TNNC2: variants seen among roughly 807,000 people sequenced by gnomAD.
TNNC2 encodes the protein troponin C, skeletal muscle.
In TNNC2, 14 loss-of-function variants were observed where a neutral mutation model predicts 20.0. That is an observed-to-expected ratio of 0.70 (90% CI 0.46 to 1.09). The LOEUF is 1.09. Among genes scored for constraint, TNNC2 ranks in the 50% least tolerant of loss-of-function variants. The probability of loss-of-function intolerance (pLI) is 0.00; values close to 1 mark genes in which losing one functional copy is unlikely to be tolerated. For synonymous variants in TNNC2, 81 were observed against 77.3 expected (o/e 1.05, Z -0.25); for missense variants, 163 against 223.8 (o/e 0.73, Z 1.73).
chr20:45,827,726 C>A (rs546381078), upstream of TNNC2, among the ~76,000 whole-genome samples: 1 of 152,248 alleles, frequency 6.6e-6, no homozygotes, highest in East Asian at 1.9e-4. Context: ...GGTAGCAGTG[C>A]CTCTCTGAGC....
chr20:45,829,502 G>C (rs928604284), upstream of TNNC2, among the ~76,000 whole-genome samples: 2 of 151,736 alleles, frequency 1.3e-5, no homozygotes, highest in Non-Finnish European at 2.9e-5. Context: ...TTCATCGACC[G>C]GGCACGGTGG....
At chr20:45,829,160 G>GTTTTTTTT (rs57079984), upstream of TNNC2, among the ~76,000 whole-genome samples, 1 of 98,282 alleles carries the variant, frequency 1.0e-5, no homozygotes, top group African/African-American at 3.6e-5. Flanking sequence ...TTTGTTTTTG[G>GTTTTTTTT]TTTTTTTTTT....
chr20:45,831,823 C>T (rs1370020040), upstream of TNNC2, among the ~76,000 whole-genome samples: 3 of 152,150 alleles, frequency 2.0e-5, no homozygotes, highest in Non-Finnish European at 4.4e-5. Flanking sequence ...TTCTGAGGGG[C>T]CCTCCTGCTC....
chr20:45,824,763 G>T lies in TNNC2; in HGVS notation c.55+20C>A. The T allele has an allele frequency of 7.5e-7, 1 of 1,325,928 alleles. No homozygotes were observed. The highest frequency in any genetic ancestry group is 9.9e-7 in the Non-Finnish European group (1 of 1,010,874). The allele number at this position is 1,325,928 out of a possible 1,614,324, so 82.1% of individuals were successfully genotyped here. A position where few individuals can be genotyped will look rare whatever the true frequency, so the allele number is the denominator to read the frequency against. ...CCAGCATACATCCACCCAGCCCCCA[G>T]CCTGCCGCGCCTCACTCACCAGCGA... On this transcript the variant is annotated intron_variant, in intron 2 of 5. Transcript: ENST00000372555.
Position 45,827,291 on chromosome 20 carries a change from T to C in TNNC2, c.-43A>G. The C allele has an allele frequency of 6.2e-7, 1 of 1,613,854 alleles. No individual in the cohort carries two copies. Among genetic ancestry groups the C allele is most frequent in the Non-Finnish European group, 8.5e-7 (1 of 1,179,888 alleles). On this transcript the variant is annotated 5_prime_UTR_variant, in exon 1 of 6. Coordinates refer to ENST00000372555, the MANE Select transcript of TNNC2 (RefSeq NM_003279.3). Reference sequence around the variant, plus strand: ...ACTCCTCTGTTGCAGGTCGCCTCCTTTGCACTCCACCACCCAAAGATGACC... The same window carrying C: ...ACTCCTCTGTTGCAGGTCGCCTCCTCTGCACTCCACCACCCAAAGATGACC...
chr20:45,823,988 C>A lies in TNNC2; in HGVS notation c.451+3G>T. 1 of 1,614,056 alleles carries A rather than the reference C, an allele frequency of 6.2e-7. No homozygotes were observed. Among genetic ancestry groups the A allele is most frequent in the Non-Finnish European group, 8.5e-7 (1 of 1,179,972 alleles). ...CTCTTCCCAAGCTCCCGTTGGCCCT[C>A]ACCGTCGAAGTCAATGCGGCCGTCG... is the stretch of plus-strand genomic sequence containing the variant. On this transcript the variant is annotated splice_donor_region_variant and intron_variant, in intron 5 of 5. Coordinates refer to ENST00000372555, the MANE Select transcript of TNNC2 (RefSeq NM_003279.3). This position sits in a 1 kb window ranked among gnomAD's most constrained non-coding sequence, Gnocchi z 4.6.
chr20:45,830,013 G>C (rs1175580461), upstream of TNNC2, among the ~76,000 whole-genome samples: 1 of 151,632 alleles, frequency 6.6e-6, no homozygotes, highest in Non-Finnish European at 1.5e-5. Context: ...TCCACATCAT[G>C]TTGCTGTCTG....
chr20:45,823,459 G>T lies in TNNC2; in HGVS notation c.452-80C>A. On this transcript the variant is annotated intron_variant, in intron 5 of 5. Transcript: ENST00000372555. This position sits in a 1 kb window ranked among gnomAD's most constrained non-coding sequence, Gnocchi z 4.6. ...GGCCAGGGCTCCAGCCACACAGAGG[G>T]GATGACTTTTTGTTTTTGTTTTTGT... 1.4e-6 allele frequency: 2 copies of T among 1,401,940 alleles called. No individual in the cohort carries two copies. The highest frequency in any genetic ancestry group is 2.6e-5 in the South Asian group (2 of 76,674). The allele number at this position is 1,401,940 out of a possible 1,614,324, so 86.8% of individuals were successfully genotyped here.
intron 2 of TNNC2, 56 bp downstream of exon 2, chr20:45,824,727 C>A (rs1218238967): frequency 6.5e-6 from 6 of 927,890 alleles, no homozygotes; most frequent in Non-Finnish European, 9.6e-6. Flanking sequence ...TGCCTAGAGG[C>A]CAACATGTCC....
chr20:45,831,714 A>C (rs1217967076), upstream of TNNC2, among the ~76,000 whole-genome samples: 1 of 152,192 alleles, frequency 6.6e-6, no homozygotes, highest in African/African-American at 2.4e-5. Context: ...CGCAACCTTC[A>C]GATCTCCTAG....
At chr20:45,828,529 T>A (rs192625422), upstream of TNNC2, among the ~76,000 whole-genome samples, 30 of 152,278 alleles carry the variant, frequency 2.0e-4, no homozygotes, top group African/African-American at 7.0e-4. Context: ...GTGTTTGGAT[T>A]CACTTTTTTT....
chr20:45,828,710 T>C (rs383112), upstream of TNNC2, among the ~76,000 whole-genome samples: 64,223 of 151,250 alleles, frequency 0.42, 15,579 homozygotes, highest in Non-Finnish European at 0.54. Flanking sequence ...CACTGGGGAG[T>C]AGGCAAGGCT....
Position 45,824,648 on chromosome 20 carries a change from A to G in TNNC2, c.56-10T>C. On this transcript the variant is annotated splice_polypyrimidine_tract_variant and intron_variant, in intron 2 of 5. Coordinates refer to ENST00000372555, the MANE Select transcript of TNNC2 (RefSeq NM_003279.3). ...AAGGCAGCCTTGAACTCTGCGAGGG[A>G]GGGCAGAGGGCAGAGGTGAGGCCTG... 6.2e-7 allele frequency: 1 copy of G among 1,607,110 alleles called. No individual in the cohort carries two copies. The highest frequency in any genetic ancestry group is 1.1e-5 in the South Asian group (1 of 90,958).
At chr20:45,825,914 G>A (rs1041151238) in intron 1 of TNNC2, among the ~76,000 whole-genome samples, 5 of 152,232 alleles carry the variant, frequency 3.3e-5, no homozygotes, top group Admixed American at 1.3e-4. Flanking sequence ...GCCACCGCGC[G>A]CAGCCTGTGA....
At position 45,823,947 on chromosome 20, in the gene TNNC2, CT is replaced by C; in HGVS notation, c.451+43del. ...GCCAGGCACCAGTGCCCGCCGTCCTCTGGGGCTCCCACCCGCTCTTCCCAAG... is the reference window on the plus strand; with the variant it reads ...GCCAGGCACCAGTGCCCGCCGTCCTCGGGGCTCCCACCCGCTCTTCCCAAG... On this transcript the variant is annotated intron_variant, in intron 5 of 5. Coordinates refer to ENST00000372555, the MANE Select transcript of TNNC2 (RefSeq NM_003279.3). The surrounding 1 kb of genome is among the most constrained non-coding windows in gnomAD (Gnocchi z 4.6). The C allele has an allele frequency of 6.2e-7, 1 of 1,612,284 alleles. No individual in the cohort carries two copies. The highest frequency in any genetic ancestry group is 8.5e-7 in the Non-Finnish European group (1 of 1,178,842).
chr20:45,827,176 C>T, intron 1 of TNNC2, 70 bp downstream of exon 1: 1 of 1,604,466 alleles, frequency 6.2e-7, no homozygotes, highest in Non-Finnish European at 8.5e-7. Context: ...CACAGAGCAC[C>T]CAGGCCTGGC....
chr20:45,827,513 G>A (rs1035168603), upstream of TNNC2, among the ~76,000 whole-genome samples: 14 of 152,212 alleles, frequency 9.2e-5, no homozygotes, highest in African/African-American at 3.4e-4. Flanking sequence ...AGGCCTTGAC[G>A]TCCTAGATTC....
Position 45,824,145 on chromosome 20 carries a change from A to G in TNNC2, c.315-18T>C, listed in dbSNP as rs1363128794. 4 of 1,612,378 alleles carry G rather than the reference A, an allele frequency of 2.5e-6. No individual in the cohort carries two copies. Among genetic ancestry groups the G allele is most frequent in the Non-Finnish European group, 2.5e-6 (3 of 1,179,286 alleles). Reference sequence around the variant, plus strand: ...CTGCATTCCTTCAGGTCCGAGGGACAGGGCAGGGCTCAGGGCCGGGGCGAG... The same window carrying G: ...CTGCATTCCTTCAGGTCCGAGGGACGGGGCAGGGCTCAGGGCCGGGGCGAG... On this transcript the variant is annotated intron_variant, in intron 4 of 5. Coordinates refer to ENST00000372555, the MANE Select transcript of TNNC2 (RefSeq NM_003279.3).
chr20:45,824,670 C>A, intron 2 of TNNC2, 32 bp from the exon 3 acceptor site: 1 of 1,606,212 alleles, frequency 6.2e-7, no homozygotes, highest in African/African-American at 1.3e-5. Flanking sequence ...AGAGGTGAGG[C>A]CTGCTGGACT....
Sources: allele counts gnomAD v4.1 joint callset (sites outside exome capture counted in the v4.1 genomes callset), GRCh38; gene constraint gnomAD v4.1.1; non-coding constraint Gnocchi (gnomAD v3.1); transcripts MANE v1.5; gene names NCBI Gene and HGNC (gene_info 2026-07-23, HGNC 2026-07-21).